PLEKHN1: variants seen among roughly 807,000 people sequenced by gnomAD.
PLEKHN1 encodes pleckstrin homology domain-containing family N member 1.
In PLEKHN1, 68 loss-of-function variants were observed where a neutral mutation model predicts 72.8. That is an observed-to-expected ratio of 0.93 (90% CI 0.77 to 1.14). The LOEUF is 1.14. PLEKHN1 is among the 50% of genes most tolerant of loss of function. PLEKHN1 has a pLI of 0.00. For missense variants in PLEKHN1, 1,015 were observed against 840.5 expected, an observed-to-expected ratio of 1.21 and a Z score of -2.57; for synonymous variants, 454 against 371.6, an observed-to-expected ratio of 1.22 and a Z score of -2.55.
Position 975,144 on chromosome 1 carries a change from GAAGAGAGAA to G in PLEKHN1, c.*570_*578del. On this transcript the variant is annotated 3_prime_UTR_variant, in exon 16 of 16. Transcript: ENST00000379410. ...AGAGAGGAGAAGAGAGAAAAGAAGA[GAAGAGAGAA>G]GAGAAGAGAAGGAAAGAGAGAGAGA... 6.6e-6 allele frequency: 1 copy of G among 151,816 alleles called. No individual in the cohort carries two copies. 9.4% of individuals were successfully genotyped at this position (151,816 alleles called of 1,614,324 possible). A position where few individuals can be genotyped will look rare whatever the true frequency, so the allele number is the denominator to read the frequency against.
In PLEKHN1 at chr1:974,304, T is replaced by C; in HGVS notation, c.1654-12T>C. 1 of 1,612,886 alleles carries C rather than the reference T, an allele frequency of 6.2e-7. No individual in the cohort carries two copies. Among genetic ancestry groups the C allele is most frequent in the South Asian group, 1.1e-5 (1 of 91,082 alleles). On this transcript the variant is annotated splice_polypyrimidine_tract_variant and intron_variant, in intron 14 of 15. Transcript: ENST00000379410. Reference sequence around the variant, plus strand: ...TGTGCCCGGCTCTCAGACTTGCGGTTTGGGGTTCCAGGTCTCCTCTGCCAG... The same window carrying C: ...TGTGCCCGGCTCTCAGACTTGCGGTCTGGGGTTCCAGGTCTCCTCTGCCAG...
Position 975,191 on chromosome 1 carries a change from GAAGA to G in PLEKHN1, c.*623_*626del, listed in dbSNP as rs1051656998. On this transcript the variant is annotated 3_prime_UTR_variant, in exon 16 of 16. Transcript: ENST00000379410. ...AAAGAGAGAGAGAGAATAAGAAAAG[GAAGA>G]AAGAAAAAGAAAAGATAGAATTTTA... 5 of 152,598 alleles carry G rather than the reference GAAGA, an allele frequency of 3.3e-5. No individual in the cohort carries two copies. Among genetic ancestry groups the G allele is most frequent in the Admixed American group, 2.6e-4 (4 of 15,310 alleles). The allele number at this position is 152,598 out of a possible 1,614,324, so 9.5% of individuals were successfully genotyped here.
rs1321869106 is a variant in PLEKHN1, at chr1:966,800, C to A, written c.180C>A (p.Gly60=). The change falls in exon 2 of 16, where the codon GGC becomes GGA. Residue 60 remains glycine, a synonymous_variant. Coordinates refer to ENST00000379410, the MANE Select transcript of PLEKHN1 (RefSeq NM_032129.3). The stretch of plus-strand genomic sequence containing the variant: ...ACAAGCTCTTCCACTACATCCCGGG[C>A]ACGGTGAGCGCGGCGTGCACGGTGG... ...AANKLFHYIP[G]TDILDLENQR... is the part of the protein sequence containing the mutation. 2 of 1,559,958 alleles carry A rather than the reference C, an allele frequency of 1.3e-6. No homozygotes were observed. Among genetic ancestry groups the A allele is most frequent in the Non-Finnish European group, 1.7e-6 (2 of 1,153,946 alleles).
At chr1:969,431 G>A (rs1292774590) in intron 2 of PLEKHN1, among the ~76,000 whole-genome samples, 1 of 151,886 alleles carries the variant, frequency 6.6e-6, no homozygotes. Flanking sequence ...GTGTGTGTTG[G>A]TGTATTTGTG....
rs371722692 is a variant in PLEKHN1 at position 970,311 on chromosome 1, T to C, written c.218T>C (p.Leu73Pro). 6.2e-7 allele frequency: 1 copy of C among 1,613,168 alleles called. No homozygotes were observed. Among genetic ancestry groups the C allele is most frequent in the African/African-American group, 1.3e-5 (1 of 74,842 alleles). ...GACCTGGAGAACCAGCGAGAAAACC[T>C]GGAGCAGCCATTCCTGAGTGTGTTC... ...ILDLENQREN[L>P]EQPFLSVFKK... The change falls in exon 3 of 16, where the codon CTG becomes CCG. Residue 73 changes from leucine (L) to proline (P), a missense_variant. Leu to Pro is a moderately conservative substitution (Grantham distance 98, BLOSUM62 -3). Coordinates refer to ENST00000379410, the MANE Select transcript of PLEKHN1 (RefSeq NM_032129.3). The surrounding 1 kb of genome is among the most constrained non-coding windows in gnomAD (Gnocchi z 4.2).
At position 972,382 on chromosome 1, in the gene PLEKHN1, G is replaced by C. The variant is rs746657875; in HGVS notation, c.960G>C (p.Gly320=). 8 of 1,581,776 alleles carry C rather than the reference G, an allele frequency of 5.1e-6. No individual in the cohort carries two copies. Among genetic ancestry groups the C allele is most frequent in the Middle Eastern group, 1.7e-4 (1 of 5,778 alleles). Residue 320 remains glycine (G), a synonymous_variant, in exon 10 of 16, where the codon GGG becomes GGC. Transcript: ENST00000379410. ...LCLRAVTHRE[G]APPLPGAESF... is the part of the protein sequence containing the mutation. ...TTCGCGCTGTCACCCACAGGGAGGG[G>C]GCCCCGCCGCTGCCTGGTGCCGAGA...
intron 10 of PLEKHN1, among the ~76,000 whole-genome samples, 163 bp from the exon 11 acceptor site, chr1:972,698 G>A (rs1028172987): frequency 4.6e-5 from 7 of 152,124 alleles, no homozygotes; most frequent in African/African-American, 1.4e-4. Flanking sequence ...ACCAGGAGGC[G>A]GAGGTTGCAG....
At chr1:973,444 G>C in intron 12 of PLEKHN1, 56 bp from the exon 13 acceptor site, 1 of 1,596,386 alleles carries the variant, frequency 6.3e-7, no homozygotes, top group Non-Finnish European at 8.5e-7. Flanking sequence ...ACAGAGAAGG[G>C]GTGGCCTAGG....
At chr1:973,477 T>C in intron 12 of PLEKHN1, 23 bp from the exon 13 acceptor site, 1 of 1,610,430 alleles carries the variant, frequency 6.2e-7, no homozygotes, top group Non-Finnish European at 8.5e-7. Flanking sequence ...GAGAAGCCCA[T>C]TTCTCCCACC....
rs369391763 is a variant in PLEKHN1 at position 973,937 on chromosome 1, C to A, written c.1539C>A (p.Gly513=). 16 of 1,610,896 alleles carry A rather than the reference C, an allele frequency of 9.9e-6. No homozygotes were observed. The African/African-American group carries it at 2.1e-4, about 22-fold the overall frequency. The change falls in exon 14 of 16, where the codon GGC becomes GGA. Residue 513 remains glycine (G), a synonymous_variant. Coordinates refer to ENST00000379410, the MANE Select transcript of PLEKHN1 (RefSeq NM_032129.3). ...PASDPRSCSS[G]PAGPYLLSKK... is the part of the protein sequence containing the mutation. ...CTGACCCTCGCTCCTGCTCCTCCGG[C>A]CCCGCTGGCCCCTACTTGCTCTCCA...
At chr1:969,926 C>T (rs141200255) in intron 2 of PLEKHN1, among the ~76,000 whole-genome samples, 27 of 152,184 alleles carry the variant, frequency 1.8e-4, no homozygotes, top group Non-Finnish European at 3.1e-4. Flanking sequence ...TAAATTCTGC[C>T]GTGACTGTTT....
chr1:968,976 C>CA (rs1254954760), intron 2 of PLEKHN1, among the ~76,000 whole-genome samples: 1 of 152,162 alleles, frequency 6.6e-6, no homozygotes, highest in East Asian at 1.9e-4. Context: ...AGGATCGACC[C>CA]CAGAAATCTC....
chr1:972,443 C>T lies in PLEKHN1; in HGVS notation c.1002+19C>T, dbSNP rs1322440918. On this transcript the variant is annotated intron_variant, in intron 10 of 15. Transcript: ENST00000379410. Reference sequence around the variant, plus strand: ...GTCGCAGGTGAGGGGTCAATAGGCCCCACAGCCCAGGTCCTGGGCAGTGGT... The same window carrying T: ...GTCGCAGGTGAGGGGTCAATAGGCCTCACAGCCCAGGTCCTGGGCAGTGGT... The T allele has an allele frequency of 6.5e-7, 1 of 1,548,558 alleles. No individual in the cohort carries two copies. Among genetic ancestry groups the T allele is most frequent in the South Asian group, 1.2e-5 (1 of 84,712 alleles).
intron 10 of PLEKHN1, 136 bp downstream of exon 10, chr1:972,560 G>A (rs899899876): frequency 5.1e-6 from 6 of 1,179,276 alleles, no homozygotes; most frequent in Non-Finnish European, 4.6e-6. Context: ...GAGGTCAGGG[G>A]TTCGAGATCA....
At chr1:967,376 A>ACCC (rs33930611) in intron 2 of PLEKHN1, among the ~76,000 whole-genome samples, 3 of 145,356 alleles carry the variant, frequency 2.1e-5, no homozygotes, top group Non-Finnish European at 4.5e-5. Context: ...CCCCATGCCC[A>ACCC]CCCCCCCCCC....
intron 8 of PLEKHN1, 184 bp downstream of exon 8, chr1:971,588 CCT>C (rs1278163365): frequency 1.6e-6 from 1 of 634,504 alleles, no homozygotes; most frequent in Non-Finnish European, 2.8e-6. Flanking sequence ...CCCTGCCCGC[CCT>C]GAGGTTCTCA....
intron 13 of PLEKHN1, 32 bp downstream of exon 13, chr1:973,672 G>A: frequency 6.2e-7 from 1 of 1,606,844 alleles, no homozygotes; most frequent in South Asian, 1.1e-5. Flanking sequence ...AGAAAGGGTG[G>A]GAGGTGCCTG....
chr1:971,261 G>A, intron 7 of PLEKHN1, 53 bp downstream of exon 7: 2 of 1,556,098 alleles, frequency 1.3e-6, no homozygotes, highest in South Asian at 1.2e-5. Flanking sequence ...GCATGGTGGT[G>A]GGCAGGGCGG....
At chr1:974,395 T>A (rs1319466041) in intron 15 of PLEKHN1, 31 bp downstream of exon 15, 3 of 1,612,810 alleles carry the variant, frequency 1.9e-6, no homozygotes, top group Non-Finnish European at 1.7e-6. Context: ...CTGAGGTGAG[T>A]GCCTGTTGCC....
Sources: allele counts gnomAD v4.1 joint callset (sites outside exome capture counted in the v4.1 genomes callset), GRCh38; gene constraint gnomAD v4.1.1; non-coding constraint Gnocchi (gnomAD v3.1); transcripts MANE v1.5; gene names NCBI Gene and HGNC (gene_info 2026-07-23, HGNC 2026-07-21).